The following MAN1A2 variants were observed in gnomAD, a reference collection of about 807,000 sequenced individuals.
MAN1A2 encodes mannosidase alpha class 1A member 2, also known as mannosyl-oligosaccharide 1,2-alpha-mannosidase IB.
In MAN1A2, 26 loss-of-function variants were observed where a neutral mutation model predicts 75.7. The observed-to-expected ratio is 0.34, with a 90% CI of 0.25 to 0.48. The LOEUF (loss-of-function observed/expected upper bound fraction) is 0.48. MAN1A2 is among the 20% of genes least tolerant of loss of function. The pLI, the probability that MAN1A2 is intolerant of heterozygous loss-of-function variation, is 0.99. For missense variants in MAN1A2, 562 were observed against 775.5 expected (o/e 0.72, Z 3.27); for synonymous variants, 247 against 264.6 (o/e 0.93, Z 0.65).
intron 8 of MAN1A2, among the ~76,000 whole-genome samples, chr1:117,467,489 A>G (rs1335703432): frequency 2.6e-5 from 4 of 152,238 alleles, no homozygotes; most frequent in Admixed American, 2.0e-4. Flanking sequence ...TATGTCTTTC[A>G]TGGATCTGGG....
intron 1 of MAN1A2, among the ~76,000 whole-genome samples, chr1:117,373,066 ATG>A (rs1183101465): frequency 1.3e-5 from 2 of 152,160 alleles, no homozygotes; most frequent in East Asian, 3.8e-4. Flanking sequence ...CTAGTTATAT[ATG>A]ACTATTGCAC....
chr1:117,475,829 G>A (rs771024358), intron 8 of MAN1A2, among the ~76,000 whole-genome samples: 6 of 152,112 alleles, frequency 3.9e-5, no homozygotes, highest in East Asian at 1.9e-4. Context: ...AAACATATGA[G>A]TGCATGCATC....
At chr1:117,510,942 C>T (rs1347988339) in intron 12 of MAN1A2, among the ~76,000 whole-genome samples, 1 of 151,990 alleles carries the variant, frequency 6.6e-6, no homozygotes, top group Non-Finnish European at 1.5e-5. Flanking sequence ...TTCTTCATAA[C>T]ACTAACATCA....
chr1:117,493,698 T>G, intron 9 of MAN1A2: 1 of 153,394 alleles, frequency 6.5e-6, no homozygotes, highest in South Asian at 2.0e-4. Context: ...GTAGAATCGC[T>G]TGAACCTGGA....
At chr1:117,372,220 G>A (rs993484622) in intron 1 of MAN1A2, among the ~76,000 whole-genome samples, 2 of 152,188 alleles carry the variant, frequency 1.3e-5, no homozygotes, top group African/African-American at 4.8e-5. Context: ...GGGTCACAGA[G>A]GATATATTGG....
intron 1 of MAN1A2, among the ~76,000 whole-genome samples, chr1:117,392,718 T>G (rs1653765403): frequency 6.6e-6 from 1 of 152,254 alleles, no homozygotes; most frequent in Non-Finnish European, 1.5e-5. Context: ...GAATAATCTA[T>G]AACTGCTTTC....
intron 8 of MAN1A2, among the ~76,000 whole-genome samples, chr1:117,476,839 GTGC>G (rs1196419508): frequency 6.6e-6 from 1 of 151,964 alleles, no homozygotes; most frequent in Non-Finnish European, 1.5e-5. Flanking sequence ...TTGGCTATAT[GTGC>G]TCTTTTTTGG....
chr1:117,431,396 G>T (rs1648654385), intron 5 of MAN1A2, among the ~76,000 whole-genome samples: 1 of 152,074 alleles, frequency 6.6e-6, no homozygotes, highest in East Asian at 1.9e-4. Context: ...TTATTAAAAA[G>T]GTAATTCCAC....
At chr1:117,388,215 G>A (rs1247413192) in intron 1 of MAN1A2, among the ~76,000 whole-genome samples, 1 of 152,144 alleles carries the variant, frequency 6.6e-6, no homozygotes, top group Non-Finnish European at 1.5e-5. Context: ...GACACTTGAA[G>A]AGAGGGAAGG....
intron 1 of MAN1A2, among the ~76,000 whole-genome samples, chr1:117,388,766 C>T (rs1653624082): frequency 1.3e-5 from 2 of 152,126 alleles, no homozygotes; most frequent in South Asian, 4.1e-4. Context: ...GCCTGTAGTA[C>T]TAATAACAGC....
At chr1:117,490,989 G>A (rs1650864585) in intron 8 of MAN1A2, among the ~76,000 whole-genome samples, 1 of 152,072 alleles carries the variant, frequency 6.6e-6, no homozygotes, top group African/African-American at 2.4e-5. Flanking sequence ...AGAAGAGTTT[G>A]AGGCTTACAG....
chr1:117,514,925 T>C (rs765423944), intron 12 of MAN1A2: 1 of 532,086 alleles, frequency 1.9e-6, no homozygotes, highest in South Asian at 1.4e-5. Context: ...TCTGCTGTTT[T>C]CTGCTCACTT....
intron 5 of MAN1A2, among the ~76,000 whole-genome samples, chr1:117,426,443 G>A (rs577287476): frequency 1.6e-4 from 24 of 152,080 alleles, no homozygotes; most frequent in African/African-American, 5.1e-4. Flanking sequence ...GACATCCATC[G>A]ACTTATGATA....
chr1:117,368,154 T>G lies in MAN1A2; in HGVS notation c.-30T>G, dbSNP rs759344549. ...TACATTTGACATAAGATGAGAACTT[T>G]CTAAAGTATTCTCTCCAAGAGCGTA... On this transcript the variant is annotated 5_prime_UTR_variant, in exon 1 of 13. Coordinates refer to ENST00000356554, the MANE Select transcript of MAN1A2 (RefSeq NM_006699.5). The G allele has an allele frequency of 3.2e-6, 5 of 1,561,080 alleles. No homozygotes were observed. Among genetic ancestry groups the G allele is most frequent in the Non-Finnish European group, 2.6e-6 (3 of 1,159,588 alleles).
rs189811413 is a variant in MAN1A2 at position 117,476,014 on chromosome 1, T to C, written c.1168+9587T>C. Among the ~76,000 whole-genome samples, 916 of 152,272 alleles carry C rather than the reference T, an allele frequency of 6.0e-3. 3 individuals are homozygous for C. The highest frequency in any genetic ancestry group is 0.01 in the Non-Finnish European group (714 of 68,010). Reference sequence around the variant, plus strand: ...AAAGCATTCCTATTTTTCCACAACCTCTCCAGCATCTGTTGTTTCCTGACT... The same window carrying C: ...AAAGCATTCCTATTTTTCCACAACCCCTCCAGCATCTGTTGTTTCCTGACT... On this transcript the variant is annotated intron_variant, in intron 8 of 12. Coordinates refer to ENST00000356554, the MANE Select transcript of MAN1A2 (RefSeq NM_006699.5).
Position 117,513,276 on chromosome 1 carries a change from A to T in MAN1A2, c.1794-9549A>T, listed in dbSNP as rs1179436004. On this transcript the variant is annotated intron_variant, in intron 12 of 12. Coordinates refer to ENST00000356554, the MANE Select transcript of MAN1A2 (RefSeq NM_006699.5). ...AAGGTAAACAATGTGAATATACTCA[A>T]CACTACTGAACTGTACACTTTAAAA... 3.3e-5 allele frequency among the ~76,000 whole-genome samples: 5 copies of T among 152,166 alleles called. No individual in the cohort carries two copies. The East Asian group carries it at 9.6e-4, about 29-fold the overall frequency.
At chr1:117,492,899 T>C (rs1650926323) in intron 8 of MAN1A2, among the ~76,000 whole-genome samples, 1 of 152,082 alleles carries the variant, frequency 6.6e-6, no homozygotes, top group Non-Finnish European at 1.5e-5. Context: ...AGAAAAAGAC[T>C]ACTAAGTATG....
chr1:117,437,803 A>G (rs1358090029), intron 5 of MAN1A2, among the ~76,000 whole-genome samples: 1 of 152,202 alleles, frequency 6.6e-6, no homozygotes, highest in Non-Finnish European at 1.5e-5. Flanking sequence ...TGTAGAACAT[A>G]TTAAAAAGTC....
intron 3 of MAN1A2, among the ~76,000 whole-genome samples, chr1:117,409,547 T>C (rs1193028925): frequency 1.3e-5 from 2 of 151,864 alleles, no homozygotes; most frequent in Non-Finnish European, 2.9e-5. Context: ...TCTGCTGTTA[T>C]TGTGTGGAAT....
Sources: allele counts gnomAD v4.1 joint callset (sites outside exome capture counted in the v4.1 genomes callset), GRCh38; gene constraint gnomAD v4.1.1; transcripts MANE v1.5; gene names NCBI Gene and HGNC (gene_info 2026-07-23, HGNC 2026-07-21).